GALNT18: variants seen among roughly 807,000 people sequenced by gnomAD.
GALNT18 encodes the protein GalNAc-transferase 18.
In GALNT18, 44 loss-of-function variants were observed where a neutral mutation model predicts 69.5. The observed-to-expected ratio is 0.63, with a 90% CI of 0.50 to 0.81. The LOEUF is 0.81. Ranked by LOEUF, GALNT18 falls within the 40% of genes least tolerant of loss-of-function variation. GALNT18 has a pLI of 0.00. For missense variants in GALNT18, 715 were observed against 810.0 expected, an observed-to-expected ratio of 0.88 and a Z score of 1.42; for synonymous variants, 364 against 318.2, an observed-to-expected ratio of 1.14 and a Z score of -1.53.
intron 2 of GALNT18, among the ~76,000 whole-genome samples, chr11:11,438,123 C>G (rs1198040474): frequency 6.6e-6 from 1 of 152,240 alleles, no homozygotes; most frequent in Non-Finnish European, 1.5e-5. Context: ...CATGGCCTCA[C>G]TCCAGCCTCT....
intron 6 of GALNT18, among the ~76,000 whole-genome samples, chr11:11,344,530 C>T (rs1454619986): frequency 6.6e-6 from 1 of 152,210 alleles, no homozygotes; most frequent in African/African-American, 2.4e-5. Flanking sequence ...CAAAAGAGAT[C>T]CTGGGTTCCA....
rs1850442075 is a variant in GALNT18 at position 11,352,773 on chromosome 11, A to G, written c.1093-11769T>C. 5 of 1,614,160 alleles carry G rather than the reference A, an allele frequency of 3.1e-6. No individual in the cohort carries two copies. In the African/African-American group the frequency reaches 5.3e-5, roughly 17 times the overall value. ...CAATTGCTTGAAGTCTGTGTTGTTTACGTGTTCAAAAACCAAGGCGGGGGT... is the reference window on the plus strand; with the variant it reads ...CAATTGCTTGAAGTCTGTGTTGTTTGCGTGTTCAAAAACCAAGGCGGGGGT... On this transcript the variant is annotated intron_variant, in intron 6 of 10. Coordinates refer to ENST00000227756, the MANE Select transcript of GALNT18 (RefSeq NM_198516.3).
chr11:11,409,989 C>T (rs1347613493), intron 3 of GALNT18, among the ~76,000 whole-genome samples: 1 of 152,210 alleles, frequency 6.6e-6, no homozygotes, highest in Admixed American at 6.5e-5. Flanking sequence ...GGGTTACGCC[C>T]TGCAGCACTA....
chr11:11,399,097 G>A (rs188181823), intron 3 of GALNT18, among the ~76,000 whole-genome samples: 1 of 152,156 alleles, frequency 6.6e-6, no homozygotes, highest in Non-Finnish European at 1.5e-5. Flanking sequence ...ACCTTTGAGA[G>A]GTAGTTAGAA....
intron 1 of GALNT18, among the ~76,000 whole-genome samples, chr11:11,557,228 T>C (rs1025850514): frequency 3.5e-4 from 53 of 152,328 alleles, no homozygotes; most frequent in Middle Eastern, 3.4e-3. Flanking sequence ...AATGTTTCAG[T>C]ATTGGAGTTT....
At chr11:11,571,732 C>T (rs1359705879) in intron 1 of GALNT18, among the ~76,000 whole-genome samples, 1 of 152,088 alleles carries the variant, frequency 6.6e-6, no homozygotes, top group Non-Finnish European at 1.5e-5. Context: ...TCCCATAACA[C>T]GTAATGAGGT....
chr11:11,586,287 A>G lies in GALNT18; in HGVS notation c.235+35072T>C, dbSNP rs533933243. 9.9e-5 allele frequency among the ~76,000 whole-genome samples: 15 copies of G among 152,228 alleles called. No individual in the cohort carries two copies. Among genetic ancestry groups the G allele is most frequent in the Non-Finnish European group, 2.1e-4 (14 of 68,044 alleles). On this transcript the variant is annotated intron_variant, in intron 1 of 10. Transcript: ENST00000227756. The surrounding 1 kb of genome is among the most constrained non-coding windows in gnomAD (Gnocchi z 4.1). ...TTATGTAATTGGGTTTATTATTGCC[A>G]TTGTTAAATAAAATAATTATTTTGA... is the stretch of plus-strand genomic sequence containing the variant.
intron 1 of GALNT18, among the ~76,000 whole-genome samples, chr11:11,478,623 C>CA (rs563493204): frequency 1.4e-4 from 22 of 152,216 alleles, no homozygotes; most frequent in Admixed American, 3.9e-4. Context: ...AGAGCACATA[C>CA]AAAAAAATCA....
At chr11:11,273,543 TA>T (rs2132972627) in intron 10 of GALNT18, among the ~76,000 whole-genome samples, 1 of 152,286 alleles carries the variant, frequency 6.6e-6, no homozygotes, top group African/African-American at 2.4e-5. Flanking sequence ...CAGGCAATAA[TA>T]AATGCTGGTG....
intron 1 of GALNT18, among the ~76,000 whole-genome samples, chr11:11,493,406 A>G (rs961339664): frequency 6.6e-6 from 1 of 151,990 alleles, no homozygotes; most frequent in African/African-American, 2.4e-5. Context: ...TCTCCCATTC[A>G]TGAAAACCTC....
intron 1 of GALNT18, among the ~76,000 whole-genome samples, chr11:11,491,288 A>G (rs561748389): frequency 6.6e-6 from 1 of 152,364 alleles, no homozygotes; most frequent in African/African-American, 2.4e-5. Flanking sequence ...ACAGGTGTCA[A>G]AAAAGATATA....
chr11:11,345,316 T>G (rs1439520880), intron 6 of GALNT18, among the ~76,000 whole-genome samples: 1 of 152,228 alleles, frequency 6.6e-6, no homozygotes, highest in Non-Finnish European at 1.5e-5. Flanking sequence ...CCAGTGGCAC[T>G]GAAGCAAACA....
At chr11:11,474,101 A>G (rs958407417) in intron 1 of GALNT18, among the ~76,000 whole-genome samples, 5 of 152,196 alleles carry the variant, frequency 3.3e-5, no homozygotes, top group Non-Finnish European at 5.9e-5. Context: ...ATGTTAATAA[A>G]ACAAACCAAG....
At chr11:11,534,328 A>G (rs1262124308) in intron 1 of GALNT18, among the ~76,000 whole-genome samples, 1 of 152,226 alleles carries the variant, frequency 6.6e-6, no homozygotes, top group African/African-American at 2.4e-5. Context: ...TGAAGGAGGA[A>G]GTATTAGCCC....
Position 11,582,663 on chromosome 11 carries a change from T to C in GALNT18, c.235+38696A>G, listed in dbSNP as rs1208953487. ...TTTCAGTATGCAGTAGAAATACACATTGAGGGCTAAAAGCCTTTGTGATGT... is the reference window on the plus strand; with the variant it reads ...TTTCAGTATGCAGTAGAAATACACACTGAGGGCTAAAAGCCTTTGTGATGT... On this transcript the variant is annotated intron_variant, in intron 1 of 10. Transcript: ENST00000227756. This position sits in a 1 kb window ranked among gnomAD's most constrained non-coding sequence, Gnocchi z 5.0. 4.6e-5 allele frequency among the ~76,000 whole-genome samples: 7 copies of C among 152,210 alleles called. No individual in the cohort carries two copies. Among genetic ancestry groups the C allele is most frequent in the Admixed American group, 1.3e-4 (2 of 15,280 alleles).
intron 8 of GALNT18, among the ~76,000 whole-genome samples, chr11:11,329,412 G>A (rs1403015799): frequency 6.6e-6 from 1 of 152,128 alleles, no homozygotes; most frequent in African/African-American, 2.4e-5. Context: ...GAACTGTGGT[G>A]TAGTAACAAG....
chr11:11,328,174 A>T (rs1849958253), intron 8 of GALNT18, among the ~76,000 whole-genome samples: 1 of 152,178 alleles, frequency 6.6e-6, no homozygotes, highest in African/African-American at 2.4e-5. Context: ...GAGACAAAAG[A>T]GACCATCTTG....
At chr11:11,301,118 C>T (rs1290577975) in intron 9 of GALNT18, among the ~76,000 whole-genome samples, 8 of 152,130 alleles carry the variant, frequency 5.3e-5, no homozygotes, top group African/African-American at 7.2e-5. Context: ...GAGGGCTACC[C>T]GTCCAGCTGC....
intron 6 of GALNT18, among the ~76,000 whole-genome samples, chr11:11,365,501 G>A (rs1429938603): frequency 6.6e-6 from 1 of 152,000 alleles, no homozygotes; most frequent in Non-Finnish European, 1.5e-5. Flanking sequence ...TATTCCTTTG[G>A]GTATATGCTC....
Sources: gnomAD v4.1 joint callset for allele counts (sites outside exome capture counted in the v4.1 genomes callset) on GRCh38, gnomAD v4.1.1 for gene constraint, Gnocchi (gnomAD v3.1) non-coding constraint, MANE v1.5 for transcripts, NCBI Gene and HGNC (gene_info 2026-07-23, HGNC 2026-07-21) for gene names.